The following AZIN2 variants were observed in gnomAD, a reference collection of about 807,000 sequenced individuals.
AZIN2 encodes the protein ODC antizyme inhibitor-2.
In AZIN2, 28 loss-of-function variants were observed where a neutral mutation model predicts 47.8. The ratio of observed to expected loss-of-function variants is 0.59; its 90% CI spans 0.43 to 0.80. AZIN2 has a LOEUF of 0.80. AZIN2 is among the 30% of genes least tolerant of loss of function. The pLI, the probability that AZIN2 is intolerant of heterozygous loss-of-function variation, is 0.00. For synonymous variants in AZIN2, 221 were observed against 239.4 expected (o/e 0.92, Z 0.71); for missense variants, 535 against 582.5 (o/e 0.92, Z 0.84).
the AZIN2 span, chr1:33,164,269 C>T: frequency 5.2e-5 from 8 of 152,432 alleles, no homozygotes; most frequent in South Asian, 1.7e-3. Context: ...GGGCATAGAT[C>T]TGGGTTTCCA....
rs184735642 is a variant in AZIN2 at position 33,113,883 on chromosome 1, G to A, written c.1030-4019G>A. On this transcript the variant is annotated intron_variant, in intron 10 of 11. Transcript: ENST00000294517. This position sits in a 1 kb window ranked among gnomAD's most constrained non-coding sequence, Gnocchi z 4.1. ...TTCATGGTATGTTGACATGTATTGG[G>A]AAAATTAAACTTGAACTGTAGATCT... Among the ~76,000 whole-genome samples, 3 of 152,262 alleles carry A rather than the reference G, an allele frequency of 2.0e-5. 1 individual carries two copies. Among genetic ancestry groups the A allele is most frequent in the Admixed American group, 2.0e-4 (3 of 15,288 alleles).
the AZIN2 span, chr1:33,147,204 C>A: frequency 1.9e-6 from 3 of 1,613,740 alleles, no homozygotes; most frequent in South Asian, 2.2e-5. This position sits in a 1 kb window ranked among gnomAD's most constrained non-coding sequence, Gnocchi z 8.1. Context: ...TGATCCGCAG[C>A]GGCTGAACGT....
intron 8 of AZIN2, among the ~76,000 whole-genome samples, chr1:33,095,763 A>G (rs1424503311): frequency 6.6e-6 from 1 of 152,248 alleles, no homozygotes. Flanking sequence ...TGCTGATAAC[A>G]TAAACAGCCG....
At position 33,096,778 on chromosome 1, in the gene AZIN2, G is replaced by C. The variant is rs1643200298; in HGVS notation, c.825G>C (p.Glu275Asp). 1.2e-6 allele frequency: 2 copies of C among 1,614,128 alleles called. No homozygotes were observed. The highest frequency in any genetic ancestry group is 3.3e-5 in the Admixed American group (2 of 60,010). The change falls in exon 9 of 12, where the codon GAG (glutamate) becomes GAC (aspartate). Residue 275 changes from glutamate (E) to aspartate (D), a missense_variant. Coordinates refer to ENST00000294517, the MANE Select transcript of AZIN2 (RefSeq NM_052998.4). ...GCTGTGGCGTGGACATCTTTGCTGA[G>C]CTGGGGCGCTACTACGTGACCTCGG... ...PEGCGVDIFA[E>D]LGRYYVTSAF...
the AZIN2 span, among the ~76,000 whole-genome samples, chr1:33,136,402 G>T: frequency 7.1e-6 from 1 of 140,394 alleles, no homozygotes; most frequent in East Asian, 2.1e-4. Flanking sequence ...ATAGTGCCTC[G>T]CCATCACCCA....
the AZIN2 span, among the ~76,000 whole-genome samples, chr1:33,143,435 A>G: frequency 6.6e-6 from 1 of 152,206 alleles, no homozygotes; most frequent in Non-Finnish European, 1.5e-5. Context: ...TAGAGCAGTC[A>G]CAGGGATCTG....
the AZIN2 span, among the ~76,000 whole-genome samples, chr1:33,149,675 G>A: frequency 6.6e-6 from 1 of 152,048 alleles, no homozygotes; most frequent in African/African-American, 2.4e-5. Context: ...GGCTGGTCTC[G>A]AACTCCTGGC....
At chr1:33,145,854 T>G in the AZIN2 span, 1 of 471,068 alleles carries the variant, frequency 2.1e-6, no homozygotes, top group Middle Eastern at 3.2e-4. Context: ...CACCCTAACT[T>G]CCTTCTAGGG....
chr1:33,145,748 A>C, the AZIN2 span: 1 of 407,268 alleles, frequency 2.5e-6, no homozygotes, highest in Non-Finnish European at 5.1e-6. Context: ...GATAGAGCCA[A>C]GGGGCAGGAC....
intron 11 of AZIN2, 86 bp from the exon 12 acceptor site, chr1:33,119,958 C>T (rs1644741760): frequency 7.6e-6 from 12 of 1,577,496 alleles, no homozygotes; most frequent in Non-Finnish European, 9.5e-6. Context: ...ACGTGAGAGC[C>T]CTCTGCCCAA....
At chr1:33,163,085 C>T in the AZIN2 span, 2 of 152,054 alleles carry the variant, frequency 1.3e-5, no homozygotes, top group Non-Finnish European at 2.9e-5. Flanking sequence ...GTTGCCCAGG[C>T]TGGGGTGCAG....
chr1:33,131,212 G>A, the AZIN2 span, among the ~76,000 whole-genome samples: 1 of 152,224 alleles, frequency 6.6e-6, no homozygotes, highest in African/African-American at 2.4e-5. Flanking sequence ...AAAGTGTATG[G>A]TATACCATTC....
intron 5 of AZIN2, among the ~76,000 whole-genome samples, chr1:33,088,332 C>T (rs565270460): frequency 6.6e-6 from 1 of 152,224 alleles, no homozygotes; most frequent in East Asian, 1.9e-4. Flanking sequence ...TGCAATCTAT[C>T]ACCCAGCTTG....
rs1406812149 is a variant in AZIN2, at chr1:33,081,983, A to G, written c.-73+171A>G. On this transcript the variant is annotated intron_variant, in intron 3 of 11. Coordinates refer to ENST00000294517, the MANE Select transcript of AZIN2 (RefSeq NM_052998.4). The surrounding 1 kb of genome is among the most constrained non-coding windows in gnomAD (Gnocchi z 4.2). ...GAGGGAGCAACTGACTCGGAGAGGC[A>G]GTGACATTTGGGCATACGGTGCCTT... The G allele has an allele frequency of 1.0e-5, 5 of 481,258 alleles. No homozygotes were observed. In the East Asian group the frequency reaches 2.1e-4, roughly 20 times the overall value. 29.8% of individuals were successfully genotyped at this position (481,258 alleles called of 1,614,324 possible).
At chr1:33,124,705 G>A (rs1644844731), downstream of AZIN2, among the ~76,000 whole-genome samples, 1 of 152,212 alleles carries the variant, frequency 6.6e-6, no homozygotes, top group Admixed American at 6.5e-5. The surrounding 1 kb of genome is among the most constrained non-coding windows in gnomAD (Gnocchi z 4.6). Context: ...GGTGTGTGGT[G>A]TTCCCCAACC....
At chr1:33,092,292 G>A (rs989107369) in intron 6 of AZIN2, 70 bp downstream of exon 6, 2 of 1,531,196 alleles carry the variant, frequency 1.3e-6, no homozygotes, top group Non-Finnish European at 1.8e-6. Context: ...CTGGGCTGTG[G>A]GGAGGCTGGG....
In AZIN2 at chr1:33,096,746, C is replaced by T; in HGVS notation, c.793C>T (p.Pro265Ser). 1.2e-6 allele frequency: 2 copies of T among 1,614,232 alleles called. No individual in the cohort carries two copies. The highest frequency in any genetic ancestry group is 1.7e-6 in the Non-Finnish European group (2 of 1,180,042). The part of the protein sequence containing the change: ...VINSALDLYF[P>S]EGCGVDIFAE... The stretch of plus-strand genomic sequence containing the variant: ...CAACTCAGCCTTGGACCTGTACTTC[C>T]CAGAGGGCTGTGGCGTGGACATCTT... The change falls in exon 9 of 12, where the codon CCA becomes TCA. Residue 265 changes from proline (P) to serine (S), a missense_variant. Around this residue, in one of 3 missense-constraint regions of AZIN2, gnomAD observed 409 missense variants for 429.0 expected, o/e 0.95. Coordinates refer to ENST00000294517, the MANE Select transcript of AZIN2 (RefSeq NM_052998.4).
rs555564023 is a variant in AZIN2, at chr1:33,120,534, G to A, written c.*352G>A. ...TATTTAGGTTTTTAAAAACTGCAGC[G>A]GAATCTGGCAGTTTGATTCACAAAG... On this transcript the variant is annotated 3_prime_UTR_variant, in exon 12 of 12. Coordinates refer to ENST00000294517, the MANE Select transcript of AZIN2 (RefSeq NM_052998.4). 2.3e-4 allele frequency: 47 copies of A among 201,662 alleles called. 1 individual carries two copies. In the South Asian group the frequency reaches 4.2e-3, roughly 18 times the overall value. 12.5% of individuals were successfully genotyped at this position (201,662 alleles called of 1,614,324 possible).
chr1:33,160,615 G>A, the AZIN2 span, among the ~76,000 whole-genome samples: 1 of 152,062 alleles, frequency 6.6e-6, no homozygotes, highest in Non-Finnish European at 1.5e-5. Context: ...ATGTTGGCCA[G>A]GCTGGTCTCA....
Sources: gnomAD v4.1 joint callset for allele counts (sites outside exome capture counted in the v4.1 genomes callset) on GRCh38, gnomAD v4.1.1 for gene constraint, gnomAD v4.1.1 regional missense constraint, Gnocchi (gnomAD v3.1) non-coding constraint, MANE v1.5 for transcripts, NCBI Gene and HGNC (gene_info 2026-07-23, HGNC 2026-07-21) for gene names.